Variants in TTN observed in about 807,000 individuals in gnomAD.
TTN encodes connectin.
A neutral mutation model predicts 3,223.0 loss-of-function variants in TTN; 1,525 were observed. The ratio of observed to expected loss-of-function variants is 0.47; its 90% CI spans 0.45 to 0.49. The LOEUF is 0.49. Ranked by LOEUF, TTN falls within the 20% of genes least tolerant of loss-of-function variation. The pLI, the probability that TTN is intolerant of heterozygous loss-of-function variation, is 0.00. For synonymous variants in TTN, 14,094 were observed against 15,161.0 expected (o/e 0.93, Z 5.17); for missense variants, 40,786 against 43,424.0 (o/e 0.94, Z 5.40).
chr2:178,675,158 A>C, intron 149 of TTN, 45 bp from the exon 150 acceptor site: 1 of 1,266,464 alleles, frequency 7.9e-7, no homozygotes, highest in Non-Finnish European at 1.1e-6. Context: ...TGCAAGAACC[A>C]AAGAAGAATA....
At chr2:178,771,577 G>A in intron 33 of TTN, 106 bp from the exon 34 acceptor site, 1 of 1,466,046 alleles carries the variant, frequency 6.8e-7, no homozygotes, top group Non-Finnish European at 9.4e-7. Context: ...ACATGATTTT[G>A]AAATCATGAA....
In TTN at chr2:178,770,112, T is replaced by C. The variant is rs72647883; in HGVS notation, c.8589A>G (p.Glu2863=). 422 of 1,614,052 alleles carry C rather than the reference T, an allele frequency of 2.6e-4. 2 individuals are homozygous for C. The Middle Eastern group carries it at 5.3e-3, about 20-fold the overall frequency. Residue 2863 remains glutamate, a synonymous_variant, in exon 36 of 363, where the codon GAA becomes GAG. Coordinates refer to ENST00000589042, the MANE Select transcript of TTN (RefSeq NM_001267550.2). ...CCAATTGCCCGACCACAGCTGTGTA[T>C]TCCCCAGCATCTGAGGGGGAGATGT... The part of the protein sequence containing the change: ...LQNISPSDAG[E]YTAVVGQLEC...
Position 178,625,391 on chromosome 2 carries a change from G to T in TTN, c.44430C>A (p.Val14810=). Residue 14810 remains valine, a synonymous_variant, in exon 241 of 363, where the codon GTC becomes GTA. Transcript: ENST00000589042. ...TATGAACTTTTCCTTCTGAACGTGGGACCACCTAGTTGTTTTTAAAAAAAG... is the reference window on the plus strand; with the variant it reads ...TATGAACTTTTCCTTCTGAACGTGGTACCACCTAGTTGTTTTTAAAAAAAG... ...GKKLEPSDKV[V]PRSEGKVHTL... is the part of the protein sequence containing the mutation. The T allele has an allele frequency of 6.4e-7, 1 of 1,569,708 alleles. No homozygotes were observed. The highest frequency in any genetic ancestry group is 1.2e-5 in the South Asian group (1 of 81,890).
At chr2:178,726,405 A>AT (rs977001120) in intron 69 of TTN, 8 of 167,036 alleles carry the variant, frequency 4.8e-5, no homozygotes, top group African/African-American at 7.1e-5. Flanking sequence ...TTCAAGGATG[A>AT]TTTTTTTTGT....
rs2082461755 is a variant in TTN at position 178,741,409 on chromosome 2, T to C, written c.11824A>G (p.Lys3942Glu). 3 of 1,613,886 alleles carry C rather than the reference T, an allele frequency of 1.9e-6. No homozygotes were observed. The South Asian group carries it at 3.3e-5, about 18-fold the overall frequency. The change falls in exon 48 of 363, where the codon AAG becomes GAG. Residue 3942 changes from lysine (K) to glutamate (E), a missense_variant. By Grantham distance (56) the Lys-to-Glu change is moderately conservative. Transcript: ENST00000589042. Reference protein sequence around the residue: ...LGGPCPPHFLKELKPIRCAQG... With the variant: ...LGGPCPPHFLEELKPIRCAQG... ...GCACAGCGAATTGGTTTTAACTCCTTAAGGAAGTGAGGAGGACAAGGACCT... is the reference window on the plus strand; with the variant it reads ...GCACAGCGAATTGGTTTTAACTCCTCAAGGAAGTGAGGAGGACAAGGACCT...
At position 178,771,265 on chromosome 2, in the gene TTN, C is replaced by G. The variant is rs748787636; in HGVS notation, c.8062G>C (p.Glu2688Gln). Reference protein sequence around the residue: ...IAATKLDDIGEYTYKVATSKT... With the variant: ...IAATKLDDIGQYTYKVATSKT... ...GAGGTGGCCACCTTGTAGGTATATT[C>G]TCCAATGTCATCTAATTTGGTGGCA... The change falls in exon 34 of 363, where the codon GAA becomes CAA. Residue 2688 changes from glutamate to glutamine, a missense_variant. By Grantham distance (29) the Glu-to-Gln change is conservative (BLOSUM62 2). Coordinates refer to ENST00000589042, the MANE Select transcript of TTN (RefSeq NM_001267550.2). The G allele has an allele frequency of 6.2e-7, 1 of 1,614,110 alleles. No homozygotes were observed. Among genetic ancestry groups the G allele is most frequent in the Non-Finnish European group, 8.5e-7 (1 of 1,180,012 alleles).
Position 178,527,693 on chromosome 2 carries a change from G to A in TTN, c.107433C>T (p.Ser35811=), listed in dbSNP as rs754536831. 6.2e-7 allele frequency: 1 copy of A among 1,613,074 alleles called. No individual in the cohort carries two copies. Among genetic ancestry groups the A allele is most frequent in the South Asian group, 1.1e-5 (1 of 91,064 alleles). ...EVVLRTSGDT[S]LQGSFSSQSV... is the part of the protein sequence containing the mutation. ...ACTGAGACGAGAAGCTTCCTTGCAAGCTTGTGTCACCACTTGTTCTCAATA... is the reference window on the plus strand; with the variant it reads ...ACTGAGACGAGAAGCTTCCTTGCAAACTTGTGTCACCACTTGTTCTCAATA... The change falls in exon 362 of 363, where the codon AGC becomes AGT. Residue 35811 remains serine (S), a synonymous_variant. Transcript: ENST00000589042.
At position 178,784,362 on chromosome 2, in the gene TTN, A is replaced by T. The variant is rs780529677; in HGVS notation, c.2494-11T>A. On this transcript the variant is annotated splice_polypyrimidine_tract_variant and intron_variant, in intron 15 of 362. Transcript: ENST00000589042. ...ACCGGCTATTGATGCCTACATGGAA[A>T]CAGAGTCAGAAAATAAAGTCATTTA... 8.7e-6 allele frequency: 14 copies of T among 1,613,786 alleles called. No homozygotes were observed. The highest frequency in any genetic ancestry group is 1.2e-5 in the Non-Finnish European group (14 of 1,179,972).
Position 178,543,076 on chromosome 2 carries a change from G to A in TTN, c.96897C>T (p.Asp32299=), listed in dbSNP as rs768885973. 5 of 1,585,040 alleles carry A rather than the reference G, an allele frequency of 3.2e-6. No individual in the cohort carries two copies. The highest frequency in any genetic ancestry group is 4.3e-6 in the Non-Finnish European group (5 of 1,163,586). Residue 32299 remains aspartate, a synonymous_variant, in exon 347 of 363, where the codon GAC becomes GAT. Transcript: ENST00000589042. ...RETVTAVTVQ[D]LRVLPTIDLS... ...TGGCTATTTGGTACATACCTCTGAGGTCTTGTACAGTCACGGCTGTGACAG... is the reference window on the plus strand; with the variant it reads ...TGGCTATTTGGTACATACCTCTGAGATCTTGTACAGTCACGGCTGTGACAG...
chr2:178,698,011 A>C (rs1353036656), intron 112 of TTN, among the ~76,000 whole-genome samples: 2 of 152,216 alleles, frequency 1.3e-5, no homozygotes, highest in African/African-American at 2.4e-5. Flanking sequence ...CAATGGATGA[A>C]TACATAAGGA....
At position 178,774,188 on chromosome 2, in the gene TTN, C is replaced by A. The variant is rs1348394218; in HGVS notation, c.7057+19G>T. ...CATAATGATGCTCACTGCAGGCTGACAGGAATGGGAGGACTTACGTTTCAT... is the reference window on the plus strand; with the variant it reads ...CATAATGATGCTCACTGCAGGCTGAAAGGAATGGGAGGACTTACGTTTCAT... On this transcript the variant is annotated intron_variant, in intron 30 of 362. Transcript: ENST00000589042. 2 of 1,614,074 alleles carry A rather than the reference C, an allele frequency of 1.2e-6. No homozygotes were observed. Among genetic ancestry groups the A allele is most frequent in the Non-Finnish European group, 1.7e-6 (2 of 1,179,982 alleles).
In TTN at chr2:178,585,313, A is replaced by T; in HGVS notation, c.64431T>A (p.Thr21477=). Residue 21477 remains threonine (T), a synonymous_variant, in exon 309 of 363, where the codon ACT becomes ACA. Coordinates refer to ENST00000589042, the MANE Select transcript of TTN (RefSeq NM_001267550.2). ...PPKILMPEQI[T]IKAGKKLRIE... ...TTCGGAGTTTTTTCCCAGCTTTGAT[A>T]GTTATTTGCTCTGGCATAAGGATCT... is the stretch of plus-strand genomic sequence containing the variant. 1 of 1,609,558 alleles carries T rather than the reference A, an allele frequency of 6.2e-7. No individual in the cohort carries two copies.
At chr2:178,754,695 C>T (rs2086462229) in intron 46 of TTN, among the ~76,000 whole-genome samples, 1 of 152,170 alleles carries the variant, frequency 6.6e-6, no homozygotes, top group South Asian at 2.1e-4. Context: ...CTGTGCTAGC[C>T]AGCAGCTGTA....
chr2:178,711,973 A>T lies in TTN; in HGVS notation c.27857T>A (p.Val9286Asp). 2 of 1,605,336 alleles carry T rather than the reference A, an allele frequency of 1.2e-6. No individual in the cohort carries two copies. Among genetic ancestry groups the T allele is most frequent in the Non-Finnish European group, 1.7e-6 (2 of 1,174,576 alleles). The change falls in exon 96 of 363, where the codon GTT becomes GAT. Residue 9286 changes from valine to aspartate, a missense_variant. By Grantham distance (152) the Val-to-Asp change is radical. Coordinates refer to ENST00000589042, the MANE Select transcript of TTN (RefSeq NM_001267550.2). ...AACGGTAAGGAAAGTTGATGCAGAA[A>T]CTTCTCCCACGCTGTTTTCAGCTTT... Reference protein sequence around the residue: ...ICKAENSVGEVSASTFLTVQE... With the variant: ...ICKAENSVGEDSASTFLTVQE...
chr2:178,579,450 TC>T (rs1372814667), intron 319 of TTN, 57 bp from the exon 320 acceptor site: 117 of 1,561,410 alleles, frequency 7.5e-5, no homozygotes, highest in Non-Finnish European at 9.3e-5. Context: ...ATTAACTTTT[TC>T]AAATAGTTCT....
chr2:178,792,878 A>C (rs1032030009), intron 9 of TTN, among the ~76,000 whole-genome samples: 5 of 152,178 alleles, frequency 3.3e-5, no homozygotes, highest in Non-Finnish European at 7.3e-5. Context: ...GGCATTTTCC[A>C]ATCTGTCCCC....
intron 46 of TTN, chr2:178,754,085 A>G (rs1047170698): frequency 6.6e-6 from 1 of 152,132 alleles, no homozygotes; most frequent in Non-Finnish European, 1.5e-5. Context: ...GAATGTGGAG[A>G]AGATGGAATG....
At position 178,710,856 on chromosome 2, in the gene TTN, G is replaced by A; in HGVS notation, c.28241C>T (p.Ala9414Val). ...GCCCGTGACGTGGCACTCAAAGTCA[G>A]CACTTTCTCCCACCACAGCATCCAC... ...APVDAVVGES[A>V]DFECHVTGTQ... Residue 9414 changes from alanine (A) to valine (V), a missense_variant, in exon 98 of 363, where the codon GCT becomes GTT. By Grantham distance (64) the Ala-to-Val change is moderately conservative. Transcript: ENST00000589042. 6.2e-7 allele frequency: 1 copy of A among 1,613,884 alleles called. No homozygotes were observed.
At chr2:178,710,539 G>A in intron 98 of TTN, 96 bp downstream of exon 98, 1 of 1,376,340 alleles carries the variant, frequency 7.3e-7, no homozygotes. Context: ...GTTTAAAAAT[G>A]TCCTAAATTG....
Sources: allele counts gnomAD v4.1 joint callset (sites outside exome capture counted in the v4.1 genomes callset), GRCh38; gene constraint gnomAD v4.1.1; transcripts MANE v1.5; gene names NCBI Gene and HGNC (gene_info 2026-07-23, HGNC 2026-07-21).